The following LRRC69 variants were observed in gnomAD, a reference collection of about 807,000 sequenced individuals.
LRRC69 encodes leucine-rich repeat-containing protein 69.
LRRC69 carries 42 observed loss-of-function variants against 37.8 expected under a neutral mutation model. That is an observed-to-expected ratio of 1.11 (90% confidence interval 0.87 to 1.44). LRRC69 has a LOEUF of 1.44. Among genes scored for constraint, LRRC69 ranks in the 40% most tolerant of loss-of-function variants. LRRC69 has a pLI of 0.00. For synonymous variants in LRRC69, 141 were observed against 143.1 expected (o/e 0.99, Z 0.11); for missense variants, 357 against 401.9 (o/e 0.89, Z 0.96).
intron 1 of LRRC69, among the ~76,000 whole-genome samples, chr8:91,112,941 T>C (rs1319396040): frequency 6.6e-6 from 1 of 151,770 alleles, no homozygotes; most frequent in African/African-American, 2.4e-5. Flanking sequence ...ATAAAGTATC[T>C]GAAAAGGGAA....
At chr8:91,146,899 T>C (rs1354996572) in intron 5 of LRRC69, among the ~76,000 whole-genome samples, 2 of 151,638 alleles carry the variant, frequency 1.3e-5, no homozygotes, top group African/African-American at 4.8e-5. Context: ...TGGCATCTAG[T>C]GAGTAGAAGC....
At chr8:91,191,534 T>C (rs3923174) in intron 6 of LRRC69, among the ~76,000 whole-genome samples, 71,207 of 151,902 alleles carry the variant, frequency 0.47, 18,111 homozygotes, top group South Asian at 0.62. Flanking sequence ...TCAAATAACT[T>C]ATCTGAGGTC....
chr8:91,185,006 G>A (rs913299611), intron 5 of LRRC69, among the ~76,000 whole-genome samples: 3 of 152,134 alleles, frequency 2.0e-5, no homozygotes, highest in African/African-American at 7.2e-5. Flanking sequence ...GAGTGAAGTG[G>A]TATGATTTGC....
intron 6 of LRRC69, among the ~76,000 whole-genome samples, chr8:91,199,650 G>C (rs1157764735): frequency 6.6e-6 from 1 of 151,820 alleles, no homozygotes; most frequent in Non-Finnish European, 1.5e-5. Flanking sequence ...TTTCACTTTT[G>C]TTGGGAAAAA....
At chr8:91,150,457 CT>C (rs1808712398) in intron 5 of LRRC69, among the ~76,000 whole-genome samples, 1 of 151,912 alleles carries the variant, frequency 6.6e-6, no homozygotes, top group Non-Finnish European at 1.5e-5. Flanking sequence ...GGTGGATAAG[CT>C]TTTTGATGTG....
At chr8:91,176,570 G>A (rs2130591847) in intron 5 of LRRC69, among the ~76,000 whole-genome samples, 1 of 152,286 alleles carries the variant, frequency 6.6e-6, no homozygotes, top group Non-Finnish European at 1.5e-5. Context: ...GGTTTGAGCA[G>A]TCTCACTTCA....
At position 91,217,607 on chromosome 8, in the gene LRRC69, G is replaced by A. The variant is rs1054623226; in HGVS notation, c.934-1283G>A. Reference sequence around the variant, plus strand: ...TCATTGCCTGGGCCGCAGTTACATGGTCATATATTGAGCCAGGGAGTGAGA... The same window carrying A: ...TCATTGCCTGGGCCGCAGTTACATGATCATATATTGAGCCAGGGAGTGAGA... On this transcript the variant is annotated intron_variant, in intron 7 of 7. Transcript: ENST00000448384. Among the ~76,000 whole-genome samples the A allele has an allele frequency of 2.0e-5, 3 of 152,074 alleles. No individual in the cohort carries two copies. In the South Asian group the frequency reaches 6.2e-4, roughly 31 times the overall value.
chr8:91,133,393 G>A, intron 4 of LRRC69, 88 bp downstream of exon 4: 1 of 956,724 alleles, frequency 1.0e-6, no homozygotes, highest in Non-Finnish European at 1.5e-6. Context: ...TTGGGTATCT[G>A]AGTATAAGCC....
intron 1 of LRRC69, among the ~76,000 whole-genome samples, chr8:91,117,322 G>A (rs780931546): frequency 6.6e-6 from 1 of 151,952 alleles, no homozygotes; most frequent in South Asian, 2.1e-4. Flanking sequence ...ATTGCAATGA[G>A]ATAGAACTGA....
chr8:91,204,121 C>CA (rs768420210), intron 7 of LRRC69, among the ~76,000 whole-genome samples: 1,948 of 51,760 alleles, frequency 0.038, 23 homozygotes, highest in Non-Finnish European at 0.049. Context: ...GACTCCATCT[C>CA]AAAAAAAAAA....
In LRRC69 at chr8:91,200,637, A is replaced by C. The variant is rs773895565; in HGVS notation, c.778A>C (p.Asn260His). The C allele has an allele frequency of 2.1e-6, 3 of 1,455,644 alleles. No individual in the cohort carries two copies. The highest frequency in any genetic ancestry group is 2.9e-5 in the African/African-American group (2 of 67,808). 90.2% of individuals were successfully genotyped at this position (1,455,644 alleles called of 1,614,324 possible). A position where few individuals can be genotyped will look rare whatever the true frequency, so the allele number is the denominator to read the frequency against. ...GGAAATAACATCAAGATTTGTAATG[A>C]ATCAGCTAGCAGAAAATAACCCTTT... The change falls in exon 7 of 8, where the codon AAT becomes CAT. Residue 260 changes from asparagine to histidine, a missense_variant. Asn to His is a moderately conservative substitution (Grantham distance 68). Coordinates refer to ENST00000448384, the Ensembl canonical transcript of LRRC69.
chr8:91,124,688 T>G, intron 2 of LRRC69, 69 bp downstream of exon 2: 1 of 1,322,668 alleles, frequency 7.6e-7, no homozygotes. Context: ...AATATGAGAC[T>G]GAAATGAAAA....
intron 6 of LRRC69, among the ~76,000 whole-genome samples, chr8:91,191,041 A>AC (rs58095353): frequency 0.03 from 3,411 of 114,106 alleles, 99 homozygotes; most frequent in Non-Finnish European, 0.033. Context: ...CCTGTCTCAA[A>AC]CCCCCCCCCC....
chr8:91,192,768 T>G (rs1051446813), intron 6 of LRRC69, among the ~76,000 whole-genome samples: 34 of 151,168 alleles, frequency 2.2e-4, no homozygotes, highest in African/African-American at 7.5e-4. Flanking sequence ...ATGAGTAGGT[T>G]GCAAAAATTT....
intron 1 of LRRC69, among the ~76,000 whole-genome samples, chr8:91,117,905 C>T (rs1268850297): frequency 6.6e-6 from 1 of 151,472 alleles, no homozygotes; most frequent in Non-Finnish European, 1.5e-5. Flanking sequence ...TCAGTATGGT[C>T]AGGGGTCTGG....
At chr8:91,194,200 C>T (rs1453076701) in intron 6 of LRRC69, among the ~76,000 whole-genome samples, 8 of 141,088 alleles carry the variant, frequency 5.7e-5, no homozygotes. Context: ...ATGAAGCCCA[C>T]TTGATCATGG....
At chr8:91,215,253 T>A (rs1310611303) in intron 7 of LRRC69, among the ~76,000 whole-genome samples, 3 of 152,170 alleles carry the variant, frequency 2.0e-5, no homozygotes, top group Admixed American at 2.0e-4. Flanking sequence ...CTGAGATACA[T>A]TTTCCTGAGA....
chr8:91,165,872 A>G (rs919692643), intron 5 of LRRC69, among the ~76,000 whole-genome samples: 5 of 151,924 alleles, frequency 3.3e-5, no homozygotes, highest in African/African-American at 1.2e-4. Context: ...AGTTGGCTGT[A>G]GAAGAATGCA....
At chr8:91,192,874 G>T (rs1395231082) in intron 6 of LRRC69, among the ~76,000 whole-genome samples, 5 of 151,498 alleles carry the variant, frequency 3.3e-5, no homozygotes, top group East Asian at 1.9e-4. Flanking sequence ...GTCAATTTTG[G>T]CTTTTGTTGC....
Sources: gnomAD v4.1 joint callset for allele counts (sites outside exome capture counted in the v4.1 genomes callset) on GRCh38, gnomAD v4.1.1 for gene constraint, MANE v1.5 for transcripts, NCBI Gene and HGNC (gene_info 2026-07-23, HGNC 2026-07-21) for gene names.